Variants in CCL28 observed in about 807,000 individuals in gnomAD.
CCL28 encodes C-C motif chemokine 28.
CCL28 carries 4 observed loss-of-function variants against 7.1 expected under a neutral mutation model. The ratio of observed to expected loss-of-function variants is 0.56; its 90% CI spans 0.28 to 1.29. CCL28 has a LOEUF of 1.29. CCL28 is among the 50% of genes most tolerant of loss of function. The probability of loss-of-function intolerance (pLI) is 0.11; values close to 1 mark genes in which losing one functional copy is unlikely to be tolerated. For synonymous variants in CCL28, 55 were observed against 57.8 expected (o/e 0.95, Z 0.22); for missense variants, 151 against 163.4 (o/e 0.92, Z 0.41).
chr5:43,367,572 A>T, the CCL28 span, among the ~76,000 whole-genome samples: 1 of 152,118 alleles, frequency 6.6e-6, no homozygotes, highest in Non-Finnish European at 1.5e-5. Flanking sequence ...CCCACTATCT[A>T]ACCAGTCCCA....
intron 1 of CCL28, among the ~76,000 whole-genome samples, chr5:43,400,099 GC>G (rs1198819708): frequency 6.6e-6 from 1 of 152,054 alleles, no homozygotes; most frequent in Non-Finnish European, 1.5e-5. Context: ...TCCCACCTCA[GC>G]CTCCCAAAGT....
intron 1 of CCL28, among the ~76,000 whole-genome samples, chr5:43,404,027 G>A (rs1027738386): frequency 3.9e-5 from 6 of 152,174 alleles, no homozygotes; most frequent in South Asian, 2.1e-4. Flanking sequence ...CCAAATCTAC[G>A]TCTGATTGGT....
rs1740097109 is a variant in CCL28, at chr5:43,381,187, T to C, written c.*673A>G. The C allele has an allele frequency of 1.3e-5, 2 of 152,008 alleles. No individual in the cohort carries two copies. Among genetic ancestry groups the C allele is most frequent in the South Asian group, 4.1e-4 (2 of 4,824 alleles). The allele number at this position is 152,008 out of a possible 1,614,324, so 9.4% of individuals were successfully genotyped here. On this transcript the variant is annotated 3_prime_UTR_variant, in exon 3 of 3. Transcript: ENST00000361115. Reference sequence around the variant, plus strand: ...TTATAATATTTTATATAGAAACACATACAAAGAGAGGAGAGAGAAAGCAAA... The same window carrying C: ...TTATAATATTTTATATAGAAACACACACAAAGAGAGGAGAGAGAAAGCAAA...
intron 1 of CCL28, among the ~76,000 whole-genome samples, chr5:43,402,428 A>G (rs1364591179): frequency 3.3e-5 from 5 of 152,198 alleles, no homozygotes; most frequent in Admixed American, 3.3e-4. Context: ...GAAGATGCAG[A>G]TTTTCAGAAT....
chr5:43,382,017 G>A lies in CCL28; in HGVS notation c.227C>T (p.Pro76Leu), dbSNP rs370644785. Residue 76 changes from proline to leucine, a missense_variant, in exon 3 of 3, where the codon CCG becomes CTG. Physicochemically the swap from Pro to Leu is moderately conservative, Grantham distance 98. Coordinates refer to ENST00000361115, the MANE Select transcript of CCL28 (RefSeq NM_148672.3). ...CCACTGCTTAACAGTATGGTTGTGC[G>A]GGCTGACACAGATTCTTCTGCGCTT... ...HVKRRRICVS[P>L]HNHTVKQWMK... The A allele has an allele frequency of 2.4e-5, 38 of 1,613,160 alleles. No individual in the cohort carries two copies. The highest frequency in any genetic ancestry group is 1.6e-4 in the Middle Eastern group (1 of 6,084).
At chr5:43,363,636 T>C in the CCL28 span, among the ~76,000 whole-genome samples, 1 of 152,280 alleles carries the variant, frequency 6.6e-6, no homozygotes, top group Admixed American at 6.5e-5. Context: ...GCCCTTCAGG[T>C]GAGTTTCCCT....
the CCL28 span, among the ~76,000 whole-genome samples, chr5:43,367,321 G>A: frequency 1.3e-5 from 2 of 152,300 alleles, no homozygotes; most frequent in South Asian, 4.1e-4. Flanking sequence ...TTGCCCAAAT[G>A]GCCGCCCAGT....
At chr5:43,364,182 A>G in the CCL28 span, among the ~76,000 whole-genome samples, 4 of 148,928 alleles carry the variant, frequency 2.7e-5, no homozygotes, top group Admixed American at 2.0e-4. Flanking sequence ...AAAGCAGACT[A>G]CAAACCTTAT....
downstream of CCL28, among the ~76,000 whole-genome samples, chr5:43,377,882 G>A (rs1056767066): frequency 9.4e-5 from 14 of 149,032 alleles, no homozygotes; most frequent in East Asian, 6.0e-4. Context: ...ACAGGCGCCC[G>A]CCACTACGCC....
Position 43,381,366 on chromosome 5 carries a change from G to C in CCL28, c.*494C>G, listed in dbSNP as rs1447793470. 6.6e-6 allele frequency: 1 copy of C among 152,168 alleles called. No homozygotes were observed. Among genetic ancestry groups the C allele is most frequent in the African/African-American group, 2.4e-5 (1 of 41,374 alleles). The allele number at this position is 152,168 out of a possible 1,614,324, so 9.4% of individuals were successfully genotyped here. A position where few individuals can be genotyped will look rare whatever the true frequency, so the allele number is the denominator to read the frequency against. ...TGCTCCTCTTAAAATATTATATGAA[G>C]ATATACACTATCATTATTATTATTA... On this transcript the variant is annotated 3_prime_UTR_variant, in exon 3 of 3. Transcript: ENST00000361115.
At chr5:43,388,201 G>C (rs1740417868) in intron 2 of CCL28, 149 bp downstream of exon 2, 1 of 921,122 alleles carries the variant, frequency 1.1e-6, no homozygotes. Flanking sequence ...GGAGCCTGGG[G>C]CCTAATGGAC....
At chr5:43,363,167 T>C in the CCL28 span, among the ~76,000 whole-genome samples, 3 of 152,118 alleles carry the variant, frequency 2.0e-5, no homozygotes, top group African/African-American at 7.2e-5. Context: ...AGATATGAGG[T>C]AGAGAGATTT....
At chr5:43,401,749 G>A (rs79040231) in intron 1 of CCL28, among the ~76,000 whole-genome samples, 5,400 of 152,162 alleles carry the variant, frequency 0.035, 264 homozygotes, top group African/African-American at 0.11. Flanking sequence ...AAATGTTTGT[G>A]GAATGTGCCA....
At chr5:43,405,019 G>C (rs1741210535) in intron 1 of CCL28, among the ~76,000 whole-genome samples, 2 of 152,140 alleles carry the variant, frequency 1.3e-5, no homozygotes, top group African/African-American at 2.4e-5. Flanking sequence ...CAAGCTCTTA[G>C]AGACCTACAA....
intron 1 of CCL28, among the ~76,000 whole-genome samples, chr5:43,411,038 C>G (rs762112519): frequency 1.3e-5 from 2 of 152,174 alleles, no homozygotes; most frequent in African/African-American, 4.8e-5. Context: ...GTTAATACAG[C>G]AAACTTCAGA....
chr5:43,362,516 A>G, the CCL28 span, among the ~76,000 whole-genome samples: 1 of 152,236 alleles, frequency 6.6e-6, no homozygotes, highest in Non-Finnish European at 1.5e-5. Flanking sequence ...AGTTTATAAA[A>G]CATGGATTCA....
chr5:43,398,703 TA>T (rs1740914382), intron 1 of CCL28, among the ~76,000 whole-genome samples: 1 of 152,006 alleles, frequency 6.6e-6, no homozygotes, highest in Non-Finnish European at 1.5e-5. Flanking sequence ...ACAAAAAAAT[TA>T]GCCGGGCATG....
chr5:43,377,717 CTTTTTTTTTTT>C (rs767834184), downstream of CCL28, among the ~76,000 whole-genome samples: 187 of 42,690 alleles, frequency 4.4e-3, 1 homozygote, highest in Middle Eastern at 0.021. Context: ...AGAACTTAAA[CTTTTTTTTTTT>C]TTTTTTTTTT....
the CCL28 span, among the ~76,000 whole-genome samples, chr5:43,365,386 T>C: frequency 3.9e-5 from 6 of 152,236 alleles, no homozygotes; most frequent in African/African-American, 1.4e-4. Flanking sequence ...AATATTGTTA[T>C]GTGTGAATTT....
Sources: gnomAD v4.1 joint callset for allele counts (sites outside exome capture counted in the v4.1 genomes callset) on GRCh38, gnomAD v4.1.1 for gene constraint, MANE v1.5 for transcripts, NCBI Gene and HGNC (gene_info 2026-07-23, HGNC 2026-07-21) for gene names.